Variants in SIRT4 observed in about 807,000 individuals in gnomAD.
The protein encoded by SIRT4 is NAD-dependent protein lipoamidase sirtuin-4, mitochondrial.
SIRT4 carries 23 observed loss-of-function variants against 26.1 expected under a neutral mutation model. The observed-to-expected ratio is 0.88, with a 90% CI of 0.63 to 1.25. The LOEUF is 1.25. SIRT4 is among the 50% of genes most tolerant of loss of function. The probability of loss-of-function intolerance (pLI) is 0.00; values close to 1 mark genes in which losing one functional copy is unlikely to be tolerated. For missense variants in SIRT4, 361 were observed against 405.4 expected (o/e 0.89, Z 0.94); for synonymous variants, 155 against 158.4 (o/e 0.98, Z 0.16).
chr12:120,311,979 G>C (rs1872996102), intron 2 of SIRT4, among the ~76,000 whole-genome samples: 1 of 151,418 alleles, frequency 6.6e-6, no homozygotes, highest in Non-Finnish European at 1.5e-5. Flanking sequence ...TTAGGAAGGA[G>C]TGTATAGGAA....
the SIRT4 span, among the ~76,000 whole-genome samples, chr12:120,292,227 G>C: frequency 6.6e-6 from 1 of 152,066 alleles, no homozygotes; most frequent in African/African-American, 2.4e-5. Context: ...GCAGACGGAC[G>C]ACTAGCTGTG....
intron 2 of SIRT4, among the ~76,000 whole-genome samples, chr12:120,307,685 C>G (rs1196208635): frequency 6.6e-6 from 1 of 151,970 alleles, no homozygotes; most frequent in Non-Finnish European, 1.5e-5. Context: ...ACAGTGAAAC[C>G]CTGTCTCTAC....
rs956968341 is a variant in SIRT4 at position 120,313,081 on chromosome 12, A to C, written c.*45A>C. ...AACCTGGAACAGGGACTTTCACTTG[A>C]ATCTTGCTGCTAAATGTAAATGCCT... On this transcript the variant is annotated 3_prime_UTR_variant, in exon 4 of 4. Coordinates refer to ENST00000202967, the MANE Select transcript of SIRT4 (RefSeq NM_012240.3). 8 of 1,609,374 alleles carry C rather than the reference A, an allele frequency of 5.0e-6. No individual in the cohort carries two copies. The highest frequency in any genetic ancestry group is 1.3e-5 in the African/African-American group (1 of 74,794).
intron 2 of SIRT4, among the ~76,000 whole-genome samples, chr12:120,310,314 C>T (rs527396880): frequency 6.6e-6 from 1 of 151,818 alleles, no homozygotes; most frequent in Non-Finnish European, 1.5e-5. Context: ...TGCAGTGAGC[C>T]GAGATCGCGC....
the SIRT4 span, among the ~76,000 whole-genome samples, chr12:120,292,268 G>C: frequency 2.6e-5 from 4 of 152,274 alleles, no homozygotes; most frequent in South Asian, 8.3e-4. Context: ...AGGGTGGGGG[G>C]AGTTGGGAAT....
At chr12:120,311,727 C>A in intron 2 of SIRT4, among the ~76,000 whole-genome samples, 2 of 81,936 alleles carry the variant, frequency 2.4e-5, no homozygotes, top group Admixed American at 2.1e-4. Context: ...GAGAGTGAAA[C>A]TTGCTCTCAA....
intron 2 of SIRT4, among the ~76,000 whole-genome samples, chr12:120,310,416 C>T (rs1418916966): frequency 6.6e-6 from 1 of 152,080 alleles, no homozygotes; most frequent in Admixed American, 6.6e-5. Context: ...GAGCGTCTTG[C>T]TGTCTACCCA....
At chr12:120,305,315 A>C (rs1459823305) in intron 2 of SIRT4, among the ~76,000 whole-genome samples, 1 of 151,102 alleles carries the variant, frequency 6.6e-6, no homozygotes, top group Non-Finnish European at 1.5e-5. Context: ...TGGTGGTGTG[A>C]TTATAGCTCA....
chr12:120,292,262 T>TG, the SIRT4 span, among the ~76,000 whole-genome samples: 5 of 151,122 alleles, frequency 3.3e-5, no homozygotes, highest in African/African-American at 1.2e-4. Context: ...AACAGCAGGG[T>TG]GGGGGGAGTT....
At chr12:120,305,665 C>A (rs969772460) in intron 2 of SIRT4, among the ~76,000 whole-genome samples, 1 of 152,140 alleles carries the variant, frequency 6.6e-6, no homozygotes, top group Non-Finnish European at 1.5e-5. Context: ...CCCAAGGAGG[C>A]TTCCGTGGGC....
the SIRT4 span, chr12:120,292,997 A>C: frequency 2.0e-5 from 3 of 152,152 alleles, no homozygotes; most frequent in Admixed American, 1.3e-4. Context: ...CCCATCTCTC[A>C]TTTAGAGAGT....
In SIRT4 at chr12:120,308,217, T is replaced by G. The variant is rs182753189; in HGVS notation, c.497+4159T>G. 3.7e-3 allele frequency among the ~76,000 whole-genome samples: 521 copies of G among 140,250 alleles called. 3 individuals are homozygous for G. The highest frequency in any genetic ancestry group is 0.012 in the African/African-American group (461 of 37,738). 92.0% of individuals were successfully genotyped at this position (140,250 alleles called of 152,430 possible). ...ACAGTCTTGTTCTTGTTGCCCAGGC[T>G]GGAGTGCAGTGGCACGGTCTCGGCT... On this transcript the variant is annotated intron_variant, in intron 2 of 3. Coordinates refer to ENST00000202967, the MANE Select transcript of SIRT4 (RefSeq NM_012240.3).
rs1873027424 is a variant in SIRT4 at position 120,312,572 on chromosome 12, T to A, written c.614T>A (p.Val205Asp). Residue 205 changes from valine to aspartate, a missense_variant, in exon 3 of 4, where the codon GTC becomes GAC. Val to Asp is a radical substitution (Grantham distance 152). Coordinates refer to ENST00000202967, the MANE Select transcript of SIRT4 (RefSeq NM_012240.3). ...CATGGCCTGGCTCCTGATGGTGACG[T>A]CTTTCTCTCAGAGGAGCAAGTCCGG... ...EAHGLAPDGD[V>D]FLSEEQVRSF... 6.2e-7 allele frequency: 1 copy of A among 1,614,050 alleles called. No homozygotes were observed. Among genetic ancestry groups the A allele is most frequent in the African/African-American group, 1.3e-5 (1 of 74,928 alleles).
At position 120,305,249 on chromosome 12, in the gene SIRT4, G is replaced by A. The variant is rs901371445; in HGVS notation, c.497+1191G>A. ...TTTGTGTTTGTGTGTGCACGTGTGT[G>A]TGTGTGTGTGTGTGTGTGTATGACA... On this transcript the variant is annotated intron_variant, in intron 2 of 3. Transcript: ENST00000202967. Among the ~76,000 whole-genome samples, 23 of 134,928 alleles carry A rather than the reference G, an allele frequency of 1.7e-4. 1 individual carries two copies. The East Asian group carries it at 3.4e-3, about 20-fold the overall frequency. 88.5% of individuals were successfully genotyped at this position (134,928 alleles called of 152,430 possible).
chr12:120,297,795 G>A (rs1872386833), upstream of SIRT4, among the ~76,000 whole-genome samples: 1 of 152,246 alleles, frequency 6.6e-6, no homozygotes, highest in East Asian at 1.9e-4. Flanking sequence ...AATGGGGAAG[G>A]AGAATGTCAC....
chr12:120,306,970 A>G (rs1872766437), intron 2 of SIRT4, among the ~76,000 whole-genome samples: 2 of 152,182 alleles, frequency 1.3e-5, no homozygotes, highest in South Asian at 2.1e-4. Flanking sequence ...TCAGAACTCA[A>G]TCAATAATGA....
At position 120,313,067 on chromosome 12, in the gene SIRT4, G is replaced by A. The variant is rs1289542686; in HGVS notation, c.*31G>A. ...GCCTGATATTCCAGAACCTGGAACA[G>A]GGACTTTCACTTGAATCTTGCTGCT... On this transcript the variant is annotated 3_prime_UTR_variant, in exon 4 of 4. Transcript: ENST00000202967. 2 of 1,611,926 alleles carry A rather than the reference G, an allele frequency of 1.2e-6. No individual in the cohort carries two copies. Among genetic ancestry groups the A allele is most frequent in the East Asian group, 2.2e-5 (1 of 44,864 alleles).
rs554689461 is a variant in SIRT4, at chr12:120,309,987, G to T, written c.498-2469G>T. On this transcript the variant is annotated intron_variant, in intron 2 of 3. Coordinates refer to ENST00000202967, the MANE Select transcript of SIRT4 (RefSeq NM_012240.3). ...CCATCTTGGCCTCCCAAATTGCTGG[G>T]ATTACAGGTGTGAGTCACCGTGCCC... Among the ~76,000 whole-genome samples the T allele has an allele frequency of 5.0e-4, 76 of 152,144 alleles. 1 individual carries two copies. The highest frequency in any genetic ancestry group is 1.7e-3 in the African/African-American group (71 of 41,488).
At chr12:120,301,516 T>C (rs944681120), upstream of SIRT4, among the ~76,000 whole-genome samples, 7 of 152,188 alleles carry the variant, frequency 4.6e-5, no homozygotes, top group Non-Finnish European at 1.0e-4. Context: ...GAGTCAAATC[T>C]AGGCCGGGAA....
Sources: gnomAD v4.1 joint callset for allele counts (sites outside exome capture counted in the v4.1 genomes callset) on GRCh38, gnomAD v4.1.1 for gene constraint, MANE v1.5 for transcripts, NCBI Gene and HGNC (gene_info 2026-07-23, HGNC 2026-07-21) for gene names.